Variants in RBFOX1 observed in about 807,000 individuals in gnomAD.
RBFOX1 encodes the protein RNA binding protein fox-1 homolog 1.
A neutral mutation model predicts 57.7 loss-of-function variants in RBFOX1; 8 were observed. That is an observed-to-expected ratio of 0.14 (90% CI 0.08 to 0.25). RBFOX1 has a LOEUF of 0.25. Among genes scored for constraint, RBFOX1 ranks in the 10% least tolerant of loss-of-function variants. RBFOX1 has a pLI of 1.00. For missense variants in RBFOX1, 611 were observed against 548.5 expected (o/e 1.11, Z -1.14); for synonymous variants, 326 against 222.4 (o/e 1.47, Z -4.15).
At chr16:6,003,061 C>T (rs1010419532) in intron 4 of RBFOX1, among the ~76,000 whole-genome samples, 2 of 152,042 alleles carry the variant, frequency 1.3e-5, no homozygotes, top group Admixed American at 6.5e-5. Flanking sequence ...GGGTGGATCA[C>T]GAGGTCAGGA....
chr16:5,482,650 G>A (rs1041721229), intron 2 of RBFOX1, among the ~76,000 whole-genome samples: 2 of 152,200 alleles, frequency 1.3e-5, no homozygotes, highest in African/African-American at 4.8e-5. Flanking sequence ...TGTCTTGATT[G>A]ATTAAGGATG....
At chr16:6,634,078 TACACAC>T (rs766851606) in intron 2 of RBFOX1, among the ~76,000 whole-genome samples, 29 of 144,804 alleles carry the variant, frequency 2.0e-4, no homozygotes, top group Non-Finnish European at 3.7e-4. Flanking sequence ...CACACACACA[TACACAC>T]ACACATACAC....
intron 4 of RBFOX1, among the ~76,000 whole-genome samples, chr16:7,103,136 A>G (rs2062983834): frequency 6.6e-6 from 1 of 152,128 alleles, no homozygotes. Context: ...GTCGGACCAA[A>G]GTATTACTGA....
At chr16:5,887,990 G>C (rs905408802) in intron 4 of RBFOX1, among the ~76,000 whole-genome samples, 3 of 152,218 alleles carry the variant, frequency 2.0e-5, no homozygotes, top group Non-Finnish European at 2.9e-5. Context: ...GGTCCTGCCA[G>C]ACTGTGTTCC....
intron 4 of RBFOX1, among the ~76,000 whole-genome samples, chr16:7,382,936 T>G (rs777220528): frequency 7.9e-5 from 12 of 152,188 alleles, no homozygotes; most frequent in Non-Finnish European, 1.8e-4. Context: ...GACATCTCCC[T>G]GTAAAGGGTT....
chr16:6,537,481 A>G (rs954886793), intron 2 of RBFOX1, among the ~76,000 whole-genome samples: 7 of 152,188 alleles, frequency 4.6e-5, no homozygotes, highest in Non-Finnish European at 1.0e-4. Flanking sequence ...TCTCCATGAC[A>G]GAGTTGAGGG....
chr16:6,819,516 C>T (rs1170456060), intron 3 of RBFOX1, among the ~76,000 whole-genome samples: 4 of 151,838 alleles, frequency 2.6e-5, no homozygotes, highest in African/African-American at 4.8e-5. Flanking sequence ...CCAGCCTGAC[C>T]AGCATGGAGA....
intron 2 of RBFOX1, among the ~76,000 whole-genome samples, chr16:6,379,557 C>T (rs74371075): frequency 0.093 from 14,057 of 151,678 alleles, 753 homozygotes; most frequent in Middle Eastern, 0.24. Context: ...AAAGAAAAAC[C>T]GGGGTAGTGT....
chr16:6,533,935 A>C (rs541007183), intron 2 of RBFOX1, among the ~76,000 whole-genome samples: 1 of 152,182 alleles, frequency 6.6e-6, no homozygotes, highest in East Asian at 1.9e-4. Flanking sequence ...TGAAAAGTCA[A>C]GCTGCAAGGA....
chr16:7,587,347 G>C, intron 7 of RBFOX1, 47 bp downstream of exon 7: 1 of 1,461,886 alleles, frequency 6.8e-7, no homozygotes, highest in South Asian at 1.6e-5. Context: ...ATTTTTAAAT[G>C]TTTGTTATGA....
In RBFOX1 at chr16:6,619,020, G is replaced by A. The variant is rs182555172; in HGVS notation, c.-63-35583G>A. Among the ~76,000 whole-genome samples, 14 of 152,280 alleles carry A rather than the reference G, an allele frequency of 9.2e-5. 1 individual carries two copies. Among genetic ancestry groups the A allele is most frequent in the East Asian group, 3.9e-4 (2 of 5,176 alleles). ...AAGACACTGTGAGAGGAACTTAATC[G>A]TTTCCCAGGGGATCAGGGAGAAGAG... is the stretch of plus-strand genomic sequence containing the variant. On this transcript the variant is annotated intron_variant, in intron 2 of 15. Transcript: ENST00000550418.
chr16:6,811,420 A>T (rs1022271614), intron 3 of RBFOX1, among the ~76,000 whole-genome samples: 1 of 152,224 alleles, frequency 6.6e-6, no homozygotes, highest in Non-Finnish European at 1.5e-5. Context: ...TTAATGTTTC[A>T]TTGGCTATTA....
intron 4 of RBFOX1, among the ~76,000 whole-genome samples, chr16:5,897,549 C>T (rs571319489): frequency 4.6e-5 from 7 of 151,992 alleles, no homozygotes; most frequent in Admixed American, 4.6e-4. Context: ...TAGTGATGAC[C>T]CCCGGGGTTT....
chr16:6,825,259 G>C (rs2091971984), intron 3 of RBFOX1, among the ~76,000 whole-genome samples: 1 of 150,724 alleles, frequency 6.6e-6, no homozygotes, highest in East Asian at 2.0e-4. Context: ...AGATACCAAT[G>C]CCACACCCCT....
chr16:7,309,129 G>A (rs1280788168), intron 4 of RBFOX1, among the ~76,000 whole-genome samples: 2 of 152,196 alleles, frequency 1.3e-5, no homozygotes, highest in African/African-American at 4.8e-5. Flanking sequence ...CCTGATAGAA[G>A]AAAGGTCCCT....
At chr16:7,377,371 C>T (rs1052077283) in intron 4 of RBFOX1, among the ~76,000 whole-genome samples, 1 of 152,136 alleles carries the variant, frequency 6.6e-6, no homozygotes, top group Non-Finnish European at 1.5e-5. Flanking sequence ...TTCAGAAGAA[C>T]CAGGCCTGTT....
chr16:6,900,426 C>T (rs556564144), intron 3 of RBFOX1, among the ~76,000 whole-genome samples: 57 of 152,358 alleles, frequency 3.7e-4, no homozygotes, highest in African/African-American at 1.4e-3. Context: ...CATGCTACCA[C>T]TATCTGCTCT....
At chr16:6,941,302 CCTTCCTT>C (rs2078445976) in intron 3 of RBFOX1, among the ~76,000 whole-genome samples, 1 of 30,340 alleles carries the variant, frequency 3.3e-5, no homozygotes, top group Non-Finnish European at 7.2e-5. Context: ...CTCCCTCCCT[CCTTCCTT>C]CCTTCCTTCC....
At position 5,947,807 on chromosome 16, in the gene RBFOX1, A is replaced by G. The variant is rs2059433788; in HGVS notation, c.351+80472A>G. On this transcript the variant is annotated intron_variant, in intron 4 of 19. Transcript: ENST00000641259. This position sits in a 1 kb window ranked among gnomAD's most constrained non-coding sequence, Gnocchi z 7.2. ...GCTGCCCTTGGTATTCTTCATGGTG[A>G]TAATGGAAACCTAAGTTGCTTTTTA... Among the ~76,000 whole-genome samples, 3 of 152,184 alleles carry G rather than the reference A, an allele frequency of 2.0e-5. No homozygotes were observed. The South Asian group carries it at 6.2e-4, about 32-fold the overall frequency.
Sources: allele counts gnomAD v4.1 joint callset (sites outside exome capture counted in the v4.1 genomes callset), GRCh38; gene constraint gnomAD v4.1.1; non-coding constraint Gnocchi (gnomAD v3.1); transcripts MANE v1.5; gene names NCBI Gene and HGNC (gene_info 2026-07-23, HGNC 2026-07-21).